Variants in BANP observed in about 807,000 individuals in gnomAD.
The protein encoded by BANP is protein BANP.
Under a neutral mutation model 68.1 loss-of-function variants are expected in BANP, and 11 were observed. The observed-to-expected ratio is 0.16, with a 90% CI of 0.10 to 0.27. The LOEUF (loss-of-function observed/expected upper bound fraction) is 0.27, where lower values mean the gene tolerates loss of function less well. Among genes scored for constraint, BANP ranks in the 10% least tolerant of loss-of-function variants. The pLI is 1.00. For synonymous variants in BANP, 329 were observed against 303.2 expected, an observed-to-expected ratio of 1.09 and a Z score of -0.88; for missense variants, 504 against 722.7, an observed-to-expected ratio of 0.70 and a Z score of 3.47.
chr16:88,038,470 C>T (rs13333619), intron 11 of BANP, among the ~76,000 whole-genome samples: 27,910 of 151,190 alleles, frequency 0.18, 3,266 homozygotes, highest in South Asian at 0.28. Flanking sequence ...GCCCTCCCAC[C>T]CCCGCCACCC....
intron 13 of BANP, among the ~76,000 whole-genome samples, chr16:88,075,188 A>C (rs2091319001): frequency 6.6e-6 from 1 of 152,166 alleles, no homozygotes; most frequent in Non-Finnish European, 1.5e-5. Flanking sequence ...TCTACTAAAA[A>C]TACAAAAATT....
chr16:88,016,915 G>C (rs2074707055), intron 6 of BANP, among the ~76,000 whole-genome samples: 1 of 152,204 alleles, frequency 6.6e-6, no homozygotes, highest in African/African-American at 2.4e-5. Context: ...CTACAGCCAA[G>C]AGCCCAGCCA....
At chr16:88,027,915 A>T (rs1169732738) in intron 8 of BANP, among the ~76,000 whole-genome samples, 1 of 152,228 alleles carries the variant, frequency 6.6e-6, no homozygotes, top group Non-Finnish European at 1.5e-5. Flanking sequence ...AGTCTTCTGG[A>T]TGGGGGCAAG....
intron 1 of BANP, among the ~76,000 whole-genome samples, chr16:87,961,719 C>T (rs1038344772): frequency 2.6e-5 from 4 of 152,152 alleles, no homozygotes; most frequent in African/African-American, 9.7e-5. Flanking sequence ...AGCTGGTCCC[C>T]AGTGTCACAG....
chr16:88,053,925 C>G lies in BANP; in HGVS notation c.1312-11342C>G, dbSNP rs867542313. Among the ~76,000 whole-genome samples, 8 of 101,518 alleles carry G rather than the reference C, an allele frequency of 7.9e-5. 1 individual carries two copies. The highest frequency in any genetic ancestry group is 2.3e-4 in the African/African-American group (8 of 34,866). 66.6% of individuals were successfully genotyped at this position (101,518 alleles called of 152,430 possible). On this transcript the variant is annotated intron_variant, in intron 11 of 13. Transcript: ENST00000682872. ...CCACCACCACCACCTCTACCACTGT[C>G]ATCTCCATCATCATCACCAACACAA... is the stretch of plus-strand genomic sequence containing the variant.
At chr16:88,001,450 G>A (rs1429644877) in intron 4 of BANP, among the ~76,000 whole-genome samples, 1 of 152,222 alleles carries the variant, frequency 6.6e-6, no homozygotes, top group African/African-American at 2.4e-5. Context: ...ACTTAGTATT[G>A]TTGTGGCACT....
intron 4 of BANP, among the ~76,000 whole-genome samples, chr16:87,985,763 G>A (rs1057284483): frequency 2.0e-5 from 3 of 152,210 alleles, no homozygotes; most frequent in African/African-American, 7.2e-5. Flanking sequence ...ACGGACCCAG[G>A]TGTGACACTG....
chr16:88,026,541 T>G (rs2077027766), intron 7 of BANP, among the ~76,000 whole-genome samples: 1 of 152,196 alleles, frequency 6.6e-6, no homozygotes, highest in Admixed American at 6.5e-5. Context: ...ACATGAATTC[T>G]CCAAACTGTG....
chr16:87,993,828 T>C (rs961538652), intron 4 of BANP, among the ~76,000 whole-genome samples: 8 of 152,188 alleles, frequency 5.3e-5, no homozygotes, highest in African/African-American at 1.9e-4. Context: ...CTCGAACTCC[T>C]GACCTCAGGT....
intron 11 of BANP, among the ~76,000 whole-genome samples, chr16:88,047,769 G>C (rs544731247): frequency 6.6e-6 from 1 of 152,228 alleles, no homozygotes; most frequent in African/African-American, 2.4e-5. Context: ...TAAAATACCA[G>C]TGAGCTAGGA....
intron 1 of BANP, among the ~76,000 whole-genome samples, chr16:87,959,114 C>G (rs943230832): frequency 3.9e-5 from 6 of 152,178 alleles, no homozygotes; most frequent in Non-Finnish European, 5.9e-5. Flanking sequence ...GGATGGCACG[C>G]TTTTCTGTGA....
At chr16:87,997,393 C>G (rs1268407491) in intron 4 of BANP, among the ~76,000 whole-genome samples, 1 of 152,280 alleles carries the variant, frequency 6.6e-6, no homozygotes, top group Non-Finnish European at 1.5e-5. Flanking sequence ...ATGAGAAATA[C>G]TTAGTTTTGA....
intron 11 of BANP, among the ~76,000 whole-genome samples, chr16:88,049,545 C>A (rs573285454): frequency 2.8e-4 from 42 of 152,168 alleles, no homozygotes; most frequent in African/African-American, 9.6e-4. Flanking sequence ...GTCTTAAGAC[C>A]CACAGTCAGC....
intron 1 of BANP, among the ~76,000 whole-genome samples, chr16:87,955,879 C>G (rs1047403881): frequency 1.3e-5 from 2 of 152,176 alleles, no homozygotes; most frequent in African/African-American, 2.4e-5. Flanking sequence ...CTGAGGGATG[C>G]TCACCACAGT....
At position 87,981,654 on chromosome 16, in the gene BANP, C is replaced by T. The variant is rs1022231641; in HGVS notation, c.162+527C>T. ...TACAGAAGAGTGTGAGCCATTTTTTCTCTTGAAGAGCACAAAGAGTAAGAA... is the reference window on the plus strand; with the variant it reads ...TACAGAAGAGTGTGAGCCATTTTTTTTCTTGAAGAGCACAAAGAGTAAGAA... On this transcript the variant is annotated intron_variant, in intron 3 of 13. Transcript: ENST00000682872. Among the ~76,000 whole-genome samples, 56 of 152,152 alleles carry T rather than the reference C, an allele frequency of 3.7e-4. 2 individuals are homozygous for T. Among genetic ancestry groups the T allele is most frequent in the Non-Finnish European group, 4.4e-5 (3 of 68,032 alleles).
chr16:88,023,252 G>A (rs1030960164), intron 7 of BANP, among the ~76,000 whole-genome samples: 13 of 152,164 alleles, frequency 8.5e-5, no homozygotes, highest in Non-Finnish European at 1.8e-4. Context: ...GCTGTGACCT[G>A]GAGGTGGTCC....
chr16:87,969,203 G>A (rs2060663903), intron 1 of BANP, among the ~76,000 whole-genome samples: 2 of 148,284 alleles, frequency 1.3e-5, no homozygotes, highest in Admixed American at 1.4e-4. Context: ...CCATTCTTTT[G>A]CTGCTAAAAA....
At position 87,981,108 on chromosome 16, in the gene BANP, G is replaced by A. The variant is rs568134137; in HGVS notation, c.143G>A (p.Cys48Tyr). Residue 48 changes from cysteine to tyrosine, a missense_variant, in exon 3 of 14, where the codon TGC becomes TAC. Physicochemically the swap from Cys to Tyr is radical, Grantham distance 194. This residue lies in a region of BANP where 238 missense variants were observed against 278.9 expected (regional missense o/e 0.85). Coordinates refer to ENST00000682872, the MANE Select transcript of BANP (RefSeq NM_001386991.1). ...ALKRQRLEIN[C>Y]QDPSIKSFLY... ...AAACGCCAGCGACTAGAAATCAATT[G>A]CCAGGATCCATCTATAAAGGTAAAA... The A allele has an allele frequency of 6.2e-7, 1 of 1,613,878 alleles. No individual in the cohort carries two copies. Among genetic ancestry groups the A allele is most frequent in the African/African-American group, 1.3e-5 (1 of 75,006 alleles).
At chr16:88,032,631 A>T (rs1249662258) in intron 8 of BANP, among the ~76,000 whole-genome samples, 1 of 152,254 alleles carries the variant, frequency 6.6e-6, no homozygotes, top group East Asian at 1.9e-4. Context: ...GAAAATTATG[A>T]TTGAGACATC....
Sources: gnomAD v4.1 joint callset for allele counts (sites outside exome capture counted in the v4.1 genomes callset) on GRCh38, gnomAD v4.1.1 for gene constraint, gnomAD v4.1.1 regional missense constraint, MANE v1.5 for transcripts, NCBI Gene and HGNC (gene_info 2026-07-23, HGNC 2026-07-21) for gene names.